Variants in ALOX5 observed in about 807,000 individuals in gnomAD.
ALOX5 encodes the protein polyunsaturated fatty acid 5-lipoxygenase.
Under a neutral mutation model 87.9 loss-of-function variants are expected in ALOX5, and 64 were observed. The ratio of observed to expected loss-of-function variants is 0.73; its 90% confidence interval spans 0.60 to 0.90. ALOX5 has a LOEUF of 0.90. Among genes scored for constraint, ALOX5 ranks in the 40% least tolerant of loss-of-function variants. The pLI is 0.00. For missense variants in ALOX5, 822 were observed against 907.5 expected (o/e 0.91, Z 1.21); for synonymous variants, 388 against 355.1 (o/e 1.09, Z -1.04).
At chr10:45,420,617 C>G (rs1841467211) in intron 4 of ALOX5, among the ~76,000 whole-genome samples, 1 of 152,228 alleles carries the variant, frequency 6.6e-6, no homozygotes, top group Admixed American at 6.5e-5. Context: ...GAGGCCTTCC[C>G]CGTTAAACCT....
At chr10:45,389,900 A>G (rs962032109) in intron 2 of ALOX5, among the ~76,000 whole-genome samples, 4 of 152,252 alleles carry the variant, frequency 2.6e-5, no homozygotes, top group African/African-American at 9.6e-5. Context: ...CAGACTGGCA[A>G]ATTGGATAAA....
chr10:45,398,953 T>G lies in ALOX5; in HGVS notation c.431+3017T>G, dbSNP rs578060357. Among the ~76,000 whole-genome samples, 4 of 152,362 alleles carry G rather than the reference T, an allele frequency of 2.6e-5. No homozygotes were observed. In the East Asian group the frequency reaches 5.8e-4, roughly 22 times the overall value. On this transcript the variant is annotated intron_variant, in intron 3 of 13. Transcript: ENST00000374391. ...TACAATATGACAGCATTTCCACTCT[T>G]AAGCATATTCCCAACAGAAATGGAA...
chr10:45,440,661 A>C (rs770394050), intron 8 of ALOX5, 28 bp downstream of exon 8: 1 of 1,605,530 alleles, frequency 6.2e-7, no homozygotes, highest in South Asian at 1.1e-5. Context: ...CCCACCTGCT[A>C]TGGGAGGGCA....
intron 2 of ALOX5, among the ~76,000 whole-genome samples, chr10:45,387,981 T>A (rs922641408): frequency 1.3e-5 from 2 of 152,158 alleles, no homozygotes; most frequent in African/African-American, 4.8e-5. Context: ...GCCCATTGAG[T>A]GTGAGCATCA....
At chr10:45,414,533 G>T (rs1166177259) in intron 4 of ALOX5, among the ~76,000 whole-genome samples, 7 of 152,134 alleles carry the variant, frequency 4.6e-5, no homozygotes, top group Non-Finnish European at 8.8e-5. Context: ...CATGGGCAAG[G>T]ACTTCATGTC....
At chr10:45,379,782 G>A (rs1346482868) in intron 1 of ALOX5, among the ~76,000 whole-genome samples, 3 of 152,192 alleles carry the variant, frequency 2.0e-5, no homozygotes, top group Non-Finnish European at 4.4e-5. Flanking sequence ...TTGGGTAGAT[G>A]AAGAAACAGC....
At chr10:45,405,678 C>T (rs535031105) in intron 3 of ALOX5, among the ~76,000 whole-genome samples, 6 of 152,028 alleles carry the variant, frequency 3.9e-5, no homozygotes, top group South Asian at 4.2e-4. Flanking sequence ...ATACTTCCCC[C>T]GTAATTTTGT....
At position 45,412,191 on chromosome 10, in the gene ALOX5, A is replaced by T. The variant is rs780264294; in HGVS notation, c.432A>T (p.Arg144=). 1 of 1,614,094 alleles carries T rather than the reference A, an allele frequency of 6.2e-7. No homozygotes were observed. Among genetic ancestry groups the T allele is most frequent in the Admixed American group, 1.7e-5 (1 of 60,018 alleles). ...KELETRQKQY[R]WMEWNPGFPL... is the part of the protein sequence containing the mutation. ...ATTTCTTCTCCTTTCTCATGCTCAG[A>T]TGGATGGAGTGGAACCCTGGCTTCC... The change falls in exon 4 of 14, where the codon CGA becomes CGT. Residue 144 remains arginine, a splice_region_variant and synonymous_variant. Transcript: ENST00000374391.
intron 3 of ALOX5, among the ~76,000 whole-genome samples, chr10:45,397,175 G>A (rs1449944240): frequency 6.6e-6 from 1 of 152,206 alleles, no homozygotes; most frequent in Non-Finnish European, 1.5e-5. Context: ...GATGTCAAGA[G>A]ATTGAGACCA....
chr10:45,442,750 C>T (rs1842277570), intron 9 of ALOX5: 3 of 422,680 alleles, frequency 7.1e-6, no homozygotes, highest in East Asian at 7.8e-5. Flanking sequence ...CACCTGCCCA[C>T]GCCTGCTGCC....
intron 4 of ALOX5, among the ~76,000 whole-genome samples, chr10:45,419,793 C>T (rs1339212275): frequency 6.6e-6 from 1 of 151,826 alleles, no homozygotes; most frequent in African/African-American, 2.4e-5. Flanking sequence ...AGGAAGGCTG[C>T]GGAGGGGCCA....
chr10:45,441,283 C>T lies in ALOX5; in HGVS notation c.1186-61C>T. Reference sequence around the variant, plus strand: ...GGCCTGGGTGGGGGAGCTGCGGGTCCCTGAGGCACCAGGTCACCTGACTGG... The same window carrying T: ...GGCCTGGGTGGGGGAGCTGCGGGTCTCTGAGGCACCAGGTCACCTGACTGG... On this transcript the variant is annotated intron_variant, in intron 8 of 13. Coordinates refer to ENST00000374391, the MANE Select transcript of ALOX5 (RefSeq NM_000698.5). The T allele has an allele frequency of 2.0e-6, 3 of 1,494,754 alleles. No homozygotes were observed. The South Asian group carries it at 3.4e-5, about 17-fold the overall frequency. The allele number at this position is 1,494,754 out of a possible 1,614,324, so 92.6% of individuals were successfully genotyped here. A position where few individuals can be genotyped will look rare whatever the true frequency, so the allele number is the denominator to read the frequency against.
intron 1 of ALOX5, among the ~76,000 whole-genome samples, chr10:45,381,648 G>A (rs1188325076): frequency 6.6e-6 from 1 of 152,216 alleles, no homozygotes; most frequent in Non-Finnish European, 1.5e-5. Context: ...CAGCCTCGCA[G>A]GTGCAGGCAT....
chr10:45,393,587 T>C (rs1840379992), intron 2 of ALOX5, among the ~76,000 whole-genome samples: 1 of 152,240 alleles, frequency 6.6e-6, no homozygotes. Context: ...CAACATAGTG[T>C]TGGAAGTTCT....
chr10:45,424,049 AC>A lies in ALOX5; in HGVS notation c.565del (p.Leu189CysfsTer36), dbSNP rs759299348. On this transcript the variant is annotated frameshift_variant, in exon 5 of 14. Transcript: ENST00000374391. LOFTEE classifies it high-confidence loss of function. ...FVLNYSKAME[N>X]LFINRFMHMF... is the part of the protein sequence containing the mutation. ...TCTCTCCTGGTCTGCAGGATGGAGA[AC>A]CTGTTCATCAACCGCTTCATGCACA... The A allele has an allele frequency of 1.2e-6, 2 of 1,613,896 alleles. No homozygotes were observed. The highest frequency in any genetic ancestry group is 2.7e-5 in the African/African-American group (2 of 74,896).
At chr10:45,394,327 C>G (rs1317793844) in intron 2 of ALOX5, among the ~76,000 whole-genome samples, 1 of 152,196 alleles carries the variant, frequency 6.6e-6, no homozygotes, top group Non-Finnish European at 1.5e-5. Flanking sequence ...TGATCTTTGA[C>G]AAACCTGACA....
intron 3 of ALOX5, among the ~76,000 whole-genome samples, chr10:45,404,632 T>C (rs771364269): frequency 2.0e-5 from 3 of 152,256 alleles, no homozygotes; most frequent in Non-Finnish European, 4.4e-5. Flanking sequence ...AACTTCTTCA[T>C]GGCATATCAG....
chr10:45,441,465 G>C (rs1481577136), intron 9 of ALOX5, 35 bp downstream of exon 9: 1 of 1,599,592 alleles, frequency 6.3e-7, no homozygotes, highest in Admixed American at 1.7e-5. Context: ...TTGCCTGGAA[G>C]AGCCCAGCCT....
rs1841262115 is a variant in ALOX5 at position 45,415,690 on chromosome 10, C to A, written c.554+3377C>A. Reference sequence around the variant, plus strand: ...AAGGGCATCAATATTTAAAGGAGAACAGGCTGGAAGGAAGAAAGGGAGGGC... The same window carrying A: ...AAGGGCATCAATATTTAAAGGAGAAAAGGCTGGAAGGAAGAAAGGGAGGGC... On this transcript the variant is annotated intron_variant, in intron 4 of 13. Transcript: ENST00000374391. Among the ~76,000 whole-genome samples, 7 of 152,242 alleles carry A rather than the reference C, an allele frequency of 4.6e-5. No homozygotes were observed. In the South Asian group the frequency reaches 1.2e-3, roughly 27 times the overall value.
Sources: allele counts gnomAD v4.1 joint callset (sites outside exome capture counted in the v4.1 genomes callset), GRCh38; gene constraint gnomAD v4.1.1; transcripts MANE v1.5; gene names NCBI Gene and HGNC (gene_info 2026-07-23, HGNC 2026-07-21).